Variants in TMEM255A observed in about 807,000 individuals in gnomAD.
The protein encoded by TMEM255A is transmembrane protein 255A, also known as family with sequence similarity 70, member A.
A neutral mutation model predicts 23.5 loss-of-function variants in TMEM255A; 14 were observed. The observed-to-expected ratio is 0.60, with a 90% CI of 0.39 to 0.93. The LOEUF is 0.93. TMEM255A is among the 40% of genes least tolerant of loss of function. The pLI, the probability that TMEM255A is intolerant of heterozygous loss-of-function variation, is 0.00. For synonymous variants in TMEM255A, 104 were observed against 100.3 expected (o/e 1.04, Z -0.22); for missense variants, 233 against 261.7 (o/e 0.89, Z 0.76).
At chrX:120,303,086 T>C (rs1398701378) in intron 2 of TMEM255A, among the ~76,000 whole-genome samples, 3 of 111,274 alleles carry the variant, frequency 2.7e-5, no homozygotes, top group Admixed American at 1.9e-4. Flanking sequence ...ACCTCTAGAG[T>C]TAGGTTTTTG....
chrX:120,291,196 G>A (rs973372229), intron 4 of TMEM255A, 55 bp downstream of exon 4: 15 of 944,633 alleles, frequency 1.6e-5, no homozygotes, highest in Non-Finnish European at 2.0e-5. Context: ...CACACATTCA[G>A]TGGGGCCTTG....
At chrX:120,290,045 TA>T (rs1195533094) in intron 4 of TMEM255A, among the ~76,000 whole-genome samples, 4 of 111,581 alleles carry the variant, frequency 3.6e-5, no homozygotes, top group African/African-American at 1.3e-4. Context: ...AGGTGAAAGC[TA>T]AAGGGTATGG....
chrX:120,279,933 TG>T (rs782615283), intron 6 of TMEM255A, among the ~76,000 whole-genome samples: 2 of 110,877 alleles, frequency 1.8e-5, no homozygotes, highest in East Asian at 5.6e-4. Flanking sequence ...GTTTTTTGTT[TG>T]TTTGGTTGGT....
chrX:120,298,102 G>GA lies in TMEM255A; in HGVS notation c.202-4052dup, dbSNP rs368014756. Among the ~76,000 whole-genome samples, 648 of 101,920 alleles carry GA rather than the reference G, an allele frequency of 6.4e-3. 4 individuals are homozygous for GA. Among genetic ancestry groups the GA allele is most frequent in the African/African-American group, 0.02 (557 of 28,259 alleles). 88.5% of individuals were successfully genotyped at this position (101,920 alleles called of 115,157 possible). A position where few individuals can be genotyped will look rare whatever the true frequency, so the allele number is the denominator to read the frequency against. ...TTGTTTTGGCTGTCCTCCACTTGTG[G>GA]AAAAAAAAAAAAGACAGATGATTAG... is the stretch of plus-strand genomic sequence containing the variant. On this transcript the variant is annotated intron_variant, in intron 2 of 8. Coordinates refer to ENST00000371369, the MANE Select transcript of TMEM255A (RefSeq NM_001104544.3).
downstream of TMEM255A, chrX:120,255,284 A>G (rs1556015219): frequency 1.7e-6 from 2 of 1,210,137 alleles, no homozygotes; most frequent in African/African-American, 3.5e-5. Context: ...ACACTGGAAA[A>G]GAACCTCCAG....
chrX:120,276,898 C>T lies in TMEM255A; in HGVS notation c.662G>A (p.Gly221Asp). Residue 221 changes from glycine (G) to aspartate (D), a missense_variant, in exon 7 of 9, where the codon GGC (glycine) becomes GAC (aspartate). Physicochemically the swap from Gly to Asp is moderately conservative, Grantham distance 94. Coordinates refer to ENST00000371369, the MANE Select transcript of TMEM255A (RefSeq NM_001104544.3). ...TTCTTTCCTTACCATGTCCTTAAAGCCTCCAAGGACAGCGGCAGTGATGAT... is the reference window on the plus strand; with the variant it reads ...TTCTTTCCTTACCATGTCCTTAAAGTCTCCAAGGACAGCGGCAGTGATGAT... Reference protein sequence around the residue: ...LGIITAAVLGGFKDMNPTLPA... With the variant: ...LGIITAAVLGDFKDMNPTLPA... The T allele has an allele frequency of 2.5e-6, 3 of 1,210,571 alleles. No homozygotes were observed. Among genetic ancestry groups the T allele is most frequent in the Non-Finnish European group, 3.4e-6 (3 of 894,757 alleles).
intron 7 of TMEM255A, among the ~76,000 whole-genome samples, chrX:120,276,121 G>T (rs2057796985): frequency 9.0e-6 from 1 of 110,891 alleles, no homozygotes; most frequent in South Asian, 3.9e-4. Context: ...AAGCCAGGTT[G>T]ATAACCATAA....
chrX:120,265,311 C>T (rs1366071710), intron 8 of TMEM255A, among the ~76,000 whole-genome samples: 1 of 112,097 alleles, frequency 8.9e-6, no homozygotes, highest in Non-Finnish European at 1.9e-5. Context: ...TAAAATCTTA[C>T]CCCCTCAAGA....
At chrX:120,268,425 C>G (rs781809924) in intron 7 of TMEM255A, 38 bp from the exon 8 acceptor site, 11 of 1,081,753 alleles carry the variant, frequency 1.0e-5, no homozygotes, top group Non-Finnish European at 1.4e-5. Context: ...CATAAACAGT[C>G]ATCACTAGGA....
At chrX:120,304,615 G>T in intron 1 of TMEM255A, 124 bp from the exon 2 acceptor site, 1 of 732,909 alleles carries the variant, frequency 1.4e-6, no homozygotes, top group Non-Finnish European at 2.0e-6. Context: ...ATCTTTGGTG[G>T]TGACGGGTGG....
intron 6 of TMEM255A, among the ~76,000 whole-genome samples, chrX:120,284,076 C>A (rs1431620664): frequency 1.8e-5 from 2 of 111,490 alleles, no homozygotes; most frequent in African/African-American, 6.5e-5. Flanking sequence ...TCCCATATCA[C>A]CTACTCTTTG....
In TMEM255A at chrX:120,258,899, T is replaced by A. The variant is rs1465773011; in HGVS notation, c.*1971A>T. 4 of 112,418 alleles carry A rather than the reference T, an allele frequency of 3.6e-5. No individual in the cohort carries two copies. Among genetic ancestry groups the A allele is most frequent in the African/African-American group, 1.3e-4 (4 of 30,873 alleles). The allele number at this position is 112,418 out of a possible 1,213,427, so 9.3% of individuals were successfully genotyped here. A position where few individuals can be genotyped will look rare whatever the true frequency, so the allele number is the denominator to read the frequency against. On this transcript the variant is annotated 3_prime_UTR_variant, in exon 9 of 9. Coordinates refer to ENST00000371369, the MANE Select transcript of TMEM255A (RefSeq NM_001104544.3). ...TTACAGCAAATGTTTTGCAAAAGAGTAAAGCAGCAAATATTAATTTTTCTA... is the reference window on the plus strand; with the variant it reads ...TTACAGCAAATGTTTTGCAAAAGAGAAAAGCAGCAAATATTAATTTTTCTA...
chrX:120,263,532 C>T (rs1016859967), intron 8 of TMEM255A, among the ~76,000 whole-genome samples: 7 of 111,476 alleles, frequency 6.3e-5, no homozygotes, highest in South Asian at 7.6e-4. Flanking sequence ...TGCGCATTTC[C>T]GTCAGGGCAT....
At chrX:120,285,688 A>G in intron 5 of TMEM255A, 2 of 1,210,900 alleles carry the variant, frequency 1.7e-6, no homozygotes, top group East Asian at 3.0e-5. Flanking sequence ...TGGTTGAGGA[A>G]CTTATGACCT....
intron 5 of TMEM255A, chrX:120,285,939 G>A: frequency 8.6e-7 from 1 of 1,157,891 alleles, no homozygotes; most frequent in Non-Finnish European, 1.2e-6. Context: ...CAGATGCAAT[G>A]AAGTGCTGCT....
intron 6 of TMEM255A, among the ~76,000 whole-genome samples, chrX:120,284,656 C>T (rs934842984): frequency 3.6e-5 from 4 of 111,000 alleles, no homozygotes; most frequent in African/African-American, 1.3e-4. Context: ...GACTGTCTCC[C>T]CTACTAGAAT....
At chrX:120,290,496 C>T (rs1447228319) in intron 4 of TMEM255A, among the ~76,000 whole-genome samples, 4 of 112,300 alleles carry the variant, frequency 3.6e-5, no homozygotes, top group African/African-American at 9.7e-5. Flanking sequence ...CTGTTGAATA[C>T]AAAATAGTAT....
chrX:120,266,317 C>G (rs2057717145), intron 8 of TMEM255A, among the ~76,000 whole-genome samples: 1 of 110,062 alleles, frequency 9.1e-6, no homozygotes, highest in African/African-American at 3.3e-5. Flanking sequence ...TTTGTCCCCA[C>G]TACTGTCCCC....
intron 6 of TMEM255A, among the ~76,000 whole-genome samples, chrX:120,280,391 A>T (rs782292172): frequency 4.5e-4 from 47 of 103,648 alleles, no homozygotes; most frequent in Admixed American, 2.1e-3. Flanking sequence ...ACTTGGTTTC[A>T]GTTTGAGTGG....
Sources: gnomAD v4.1 joint callset for allele counts (sites outside exome capture counted in the v4.1 genomes callset) on GRCh38, gnomAD v4.1.1 for gene constraint, MANE v1.5 for transcripts, NCBI Gene and HGNC (gene_info 2026-07-23, HGNC 2026-07-21) for gene names.